The following RAB28 variants were observed in gnomAD, a reference collection of about 807,000 sequenced individuals.
RAB28 encodes the protein RAB28, member RAS oncogene family, also known as ras-related protein Rab-28.
Under a neutral mutation model 31.7 loss-of-function variants are expected in RAB28, and 24 were observed. The observed-to-expected ratio is 0.76, with a 90% CI of 0.55 to 1.06. The LOEUF (loss-of-function observed/expected upper bound fraction) is 1.06, where lower values mean the gene tolerates loss of function less well. Among genes scored for constraint, RAB28 ranks in the 50% least tolerant of loss-of-function variants. RAB28 has a pLI of 0.00. For missense variants in RAB28, 254 were observed against 258.5 expected (o/e 0.98, Z 0.12); for synonymous variants, 100 against 90.4 (o/e 1.11, Z -0.60).
chr4:13,445,767 G>C (rs1306796224), intron 4 of RAB28, among the ~76,000 whole-genome samples: 2 of 151,738 alleles, frequency 1.3e-5, no homozygotes, highest in East Asian at 3.9e-4. Context: ...TCCAGCTGGA[G>C]CTCTCCTGTA....
In RAB28 at chr4:13,479,551, C is replaced by A; in HGVS notation, c.76-25G>T. ...TCTAAAAAATTGATGCACAGAATGT[C>A]AAAATTAATTCATTAAAGAAATGTA... On this transcript the variant is annotated intron_variant, in intron 1 of 6. Transcript: ENST00000330852. 2.1e-6 allele frequency: 3 copies of A among 1,395,982 alleles called. No homozygotes were observed. In the South Asian group the frequency reaches 3.6e-5, roughly 17 times the overall value. 86.5% of individuals were successfully genotyped at this position (1,395,982 alleles called of 1,614,324 possible).
chr4:13,461,933 T>C (rs1715609643), intron 3 of RAB28, among the ~76,000 whole-genome samples: 1 of 152,180 alleles, frequency 6.6e-6, no homozygotes, highest in South Asian at 2.1e-4. Flanking sequence ...ATTATTCCCA[T>C]TTTAAACAAT....
At chr4:13,453,398 A>C (rs114216177) in intron 4 of RAB28, among the ~76,000 whole-genome samples, 261 of 152,090 alleles carry the variant, frequency 1.7e-3, no homozygotes, top group African/African-American at 5.9e-3. Flanking sequence ...CTGTTGGGAA[A>C]GATTTCTTTC....
chr4:13,443,520 G>A (rs1226992739), intron 4 of RAB28, among the ~76,000 whole-genome samples: 1 of 152,186 alleles, frequency 6.6e-6, no homozygotes, highest in Non-Finnish European at 1.5e-5. Context: ...TAAGCACTAA[G>A]TGAGGTGCTT....
At chr4:13,429,934 C>G (rs573013070) in intron 4 of RAB28, among the ~76,000 whole-genome samples, 1 of 152,252 alleles carries the variant, frequency 6.6e-6, no homozygotes, top group African/African-American at 2.4e-5. Context: ...ATACAGTAAT[C>G]TACAGTAAGT....
At chr4:13,452,474 T>C (rs1715024144) in intron 4 of RAB28, among the ~76,000 whole-genome samples, 1 of 152,060 alleles carries the variant, frequency 6.6e-6, no homozygotes, top group Admixed American at 6.5e-5. Context: ...GTGTTCCTAC[T>C]TTCATTTCTT....
At chr4:13,424,768 G>C (rs10939479) in intron 4 of RAB28, among the ~76,000 whole-genome samples, 8,542 of 152,144 alleles carry the variant, frequency 0.056, 552 homozygotes, top group African/African-American at 0.16. Flanking sequence ...TCTTTTTGTA[G>C]ACTGGATCCT....
chr4:13,407,564 TG>T (rs1186594934), intron 4 of RAB28, among the ~76,000 whole-genome samples: 2 of 152,202 alleles, frequency 1.3e-5, no homozygotes, highest in Non-Finnish European at 2.9e-5. Flanking sequence ...GGTAGCTTGA[TG>T]GGGATGGCAT....
chr4:13,377,467 T>C (rs1198420541), intron 5 of RAB28, among the ~76,000 whole-genome samples: 8 of 152,228 alleles, frequency 5.3e-5, no homozygotes, highest in African/African-American at 1.7e-4. Flanking sequence ...CATATTTTAG[T>C]TCACTGATGG....
intron 4 of RAB28, among the ~76,000 whole-genome samples, chr4:13,408,763 TGAC>T (rs1712251104): frequency 6.6e-6 from 1 of 152,158 alleles, no homozygotes; most frequent in Non-Finnish European, 1.5e-5. Flanking sequence ...TTTTATAAAT[TGAC>T]TATATACTGA....
intron 4 of RAB28, among the ~76,000 whole-genome samples, chr4:13,389,184 G>A (rs1261142593): frequency 2.0e-5 from 3 of 152,102 alleles, no homozygotes; most frequent in African/African-American, 7.2e-5. Context: ...AGCGCATTAC[G>A]TTAAGTGAAA....
intron 1 of RAB28, among the ~76,000 whole-genome samples, chr4:13,481,350 A>T (rs1033426482): frequency 7.9e-5 from 12 of 152,066 alleles, no homozygotes; most frequent in African/African-American, 2.9e-4. Flanking sequence ...AAAATTGAAC[A>T]GAGAATCAAC....
chr4:13,469,148 A>G (rs1410661892), intron 3 of RAB28, among the ~76,000 whole-genome samples: 8 of 152,004 alleles, frequency 5.3e-5, no homozygotes, highest in Non-Finnish European at 1.2e-4. Context: ...TCCCTTCCAG[A>G]AAACTACTGG....
chr4:13,461,768 T>A (rs1715601217), intron 3 of RAB28, among the ~76,000 whole-genome samples: 2 of 152,178 alleles, frequency 1.3e-5, no homozygotes, highest in Admixed American at 1.3e-4. Context: ...AATACAAAGC[T>A]CTACATACAG....
At chr4:13,420,273 C>A (rs1432255505) in intron 4 of RAB28, among the ~76,000 whole-genome samples, 3 of 152,070 alleles carry the variant, frequency 2.0e-5, no homozygotes, top group African/African-American at 7.2e-5. Context: ...TAATGGTCTA[C>A]CAACCAAAAA....
At chr4:13,406,751 AG>A (rs1430302530) in intron 4 of RAB28, among the ~76,000 whole-genome samples, 1 of 152,214 alleles carries the variant, frequency 6.6e-6, no homozygotes, top group Non-Finnish European at 1.5e-5. Context: ...TCTAATGACC[AG>A]TGATGAAGAG....
chr4:13,438,846 C>A (rs1225539981), intron 4 of RAB28, among the ~76,000 whole-genome samples: 1 of 152,122 alleles, frequency 6.6e-6, no homozygotes, highest in Non-Finnish European at 1.5e-5. Context: ...ACTGCAATTT[C>A]TTGAGGAGCT....
intron 4 of RAB28, among the ~76,000 whole-genome samples, chr4:13,431,213 A>C (rs1343165920): frequency 1.3e-5 from 2 of 152,122 alleles, no homozygotes; most frequent in Non-Finnish European, 2.9e-5. Flanking sequence ...CCTCAGCCCC[A>C]TTTTAGTAGT....
At chr4:13,378,900 G>A (rs754370878) in intron 5 of RAB28, among the ~76,000 whole-genome samples, 13 of 152,096 alleles carry the variant, frequency 8.5e-5, no homozygotes, top group Non-Finnish European at 1.3e-4. Context: ...AACATTTGAA[G>A]AGAGAAGAGA....
Sources: gnomAD v4.1 joint callset for allele counts (sites outside exome capture counted in the v4.1 genomes callset) on GRCh38, gnomAD v4.1.1 for gene constraint, MANE v1.5 for transcripts, NCBI Gene and HGNC (gene_info 2026-07-23, HGNC 2026-07-21) for gene names.